TBX3: variants seen among roughly 807,000 people sequenced by gnomAD.
TBX3 encodes the protein T-box transcription factor 3.
A neutral mutation model predicts 47.8 loss-of-function variants in TBX3; 11 were observed. That is an observed-to-expected ratio of 0.23 (90% CI 0.14 to 0.38). The LOEUF (loss-of-function observed/expected upper bound fraction) is 0.38. Among genes scored for constraint, TBX3 ranks in the 10% least tolerant of loss-of-function variants. The probability of loss-of-function intolerance (pLI) is 1.00; values close to 1 mark genes in which losing one functional copy is unlikely to be tolerated. For synonymous variants in TBX3, 500 were observed against 449.3 expected (o/e 1.11, Z -1.43); for missense variants, 927 against 1,022.8 (o/e 0.91, Z 1.28).
At position 114,672,292 on chromosome 12, in the gene TBX3, A is replaced by G. The variant is rs1479824258; in HGVS notation, c.1721T>C (p.Met574Thr). 1.3e-6 allele frequency: 2 copies of G among 1,562,870 alleles called. No homozygotes were observed. The highest frequency in any genetic ancestry group is 1.7e-6 in the Non-Finnish European group (2 of 1,155,242). ...QHVLASQGLA[M>T]SPFGSLFPYP... is the part of the protein sequence containing the mutation. ...AGGGAACAGGCTTCCGAAAGGGGAC[A>G]TGGCCAGGCCCTGGGGTGAGAAAAG... Residue 574 changes from methionine (M) to threonine (T), a missense_variant, in exon 7 of 7, where the codon ATG (methionine) becomes ACG (threonine). Met to Thr is a moderately conservative substitution (Grantham distance 81). Around this residue, in one of 5 missense-constraint regions of TBX3, gnomAD observed 623 missense variants for 569.0 expected, o/e 1.09. Coordinates refer to ENST00000349155, the MANE Select transcript of TBX3 (RefSeq NM_005996.4).
Position 114,672,036 on chromosome 12 carries a change from G to A in TBX3, c.1977C>T (p.Ala659=), listed in dbSNP as rs764392915. The A allele has an allele frequency of 3.2e-6, 5 of 1,580,274 alleles. No homozygotes were observed. The highest frequency in any genetic ancestry group is 4.3e-6 in the Non-Finnish European group (5 of 1,163,616). ...AGTCCACTGCCACCGAGGCCGGGCT[G>A]GCGGCCAGGGCGGCGACTTTGCCGT... The part of the protein sequence containing the change: ...PLDGKVAALA[A]SPASVAVDSG... Residue 659 remains alanine (A), a synonymous_variant, in exon 7 of 7, where the codon GCC becomes GCT. Transcript: ENST00000349155.
In TBX3 at chr12:114,674,609, G is replaced by A. The variant is rs767558566; in HGVS notation, c.1266C>T (p.Ile422=). The part of the protein sequence containing the change: ...SPDSRHSPAT[I]SSSTRGLGAE... Reference sequence around the variant, plus strand: ...CGCCCAGGCCGCGAGTGCTGGACGAGATGGTGGCGGGGCTATGGCGTGAGT... The same window carrying A: ...CGCCCAGGCCGCGAGTGCTGGACGAAATGGTGGCGGGGCTATGGCGTGAGT... Residue 422 remains isoleucine (I), a synonymous_variant, in exon 6 of 7, where the codon ATC becomes ATT. Transcript: ENST00000349155. 6.9e-6 allele frequency: 11 copies of A among 1,601,680 alleles called. No homozygotes were observed. Among genetic ancestry groups the A allele is most frequent in the Non-Finnish European group, 9.4e-6 (11 of 1,175,596 alleles).
chr12:114,683,491 C>T lies in TBX3; in HGVS notation c.-291G>A. 4.8e-6 allele frequency: 2 copies of T among 412,604 alleles called. No homozygotes were observed. Among genetic ancestry groups the T allele is most frequent in the East Asian group, 3.9e-5 (1 of 25,504 alleles). The allele number at this position is 412,604 out of a possible 1,614,324, so 25.6% of individuals were successfully genotyped here. On this transcript the variant is annotated 5_prime_UTR_variant, in exon 1 of 7. Coordinates refer to ENST00000349155, the MANE Select transcript of TBX3 (RefSeq NM_005996.4). This position sits in a 1 kb window ranked among gnomAD's most constrained non-coding sequence, Gnocchi z 7.7. ...CCTTGTGCCTTGCGTTTTTAAAAAG[C>T]CGCTCCTGAACGTCGGTTTCAGAAG...
In TBX3 at chr12:114,671,519, C is replaced by G; in HGVS notation, c.*322G>C. On this transcript the variant is annotated 3_prime_UTR_variant, in exon 7 of 7. Transcript: ENST00000349155. ...TGAGGGAGATGTCTTTGAACACCTCCCCGCCTGGTGGGCAGAGACCCAGAC... is the reference window on the plus strand; with the variant it reads ...TGAGGGAGATGTCTTTGAACACCTCGCCGCCTGGTGGGCAGAGACCCAGAC... 2.1e-6 allele frequency: 1 copy of G among 477,392 alleles called. No individual in the cohort carries two copies. The highest frequency in any genetic ancestry group is 3.8e-6 in the Non-Finnish European group (1 of 263,034). 29.6% of individuals were successfully genotyped at this position (477,392 alleles called of 1,614,324 possible).
chr12:114,682,086 A>T (rs554536668), intron 1 of TBX3, among the ~76,000 whole-genome samples: 80 of 152,362 alleles, frequency 5.3e-4, no homozygotes, highest in African/African-American at 1.9e-3. Context: ...CTTCTCTTCC[A>T]GGCAGGTTTT....
rs1411259653 is a variant in TBX3, at chr12:114,674,559, C to T, written c.1316G>A (p.Arg439His). ...LGAEERRSPVREGTAPAKVEE... is the reference protein window; with the variant it reads ...LGAEERRSPVHEGTAPAKVEE... ...CACCTTGGCCGGCGCTGTGCCCTCG[C>T]GAACCGGGCTCCTGCGCTCCTCCGC... Residue 439 changes from arginine to histidine, a missense_variant, in exon 6 of 7, where the codon CGC becomes CAC. By Grantham distance (29) the Arg-to-His change is conservative. Transcript: ENST00000349155. 1.3e-6 allele frequency: 2 copies of T among 1,562,474 alleles called. No individual in the cohort carries two copies. The highest frequency in any genetic ancestry group is 1.9e-5 in the Admixed American group (1 of 53,794).
intron 5 of TBX3, among the ~76,000 whole-genome samples, chr12:114,675,558 T>C (rs546622230): frequency 1.3e-5 from 2 of 152,168 alleles, no homozygotes; most frequent in Non-Finnish European, 2.9e-5. Context: ...TATTTTATGT[T>C]TAAAGCTTAA....
intron 3 of TBX3, among the ~76,000 whole-genome samples, chr12:114,678,020 TCACACACACACACACACACACA>T (rs3068592): frequency 2.1e-5 from 3 of 144,164 alleles, no homozygotes. Context: ...CATACTCCCT[TCACACACACACACACACACACA>T]CACACACACA....
In TBX3 at chr12:114,670,335, CA is replaced by C. The variant is rs1868365659; in HGVS notation, c.*1505del. 4.5e-6 allele frequency: 1 copy of C among 224,686 alleles called. No individual in the cohort carries two copies. The highest frequency in any genetic ancestry group is 2.2e-5 in the African/African-American group (1 of 44,922). 13.9% of individuals were successfully genotyped at this position (224,686 alleles called of 1,614,324 possible). A position where few individuals can be genotyped will look rare whatever the true frequency, so the allele number is the denominator to read the frequency against. ...AAATACAGAAAACCAAAGAACTCAT[CA>C]ACAACTATAACACAAAATATACCTT... On this transcript the variant is annotated 3_prime_UTR_variant, in exon 7 of 7. Coordinates refer to ENST00000349155, the MANE Select transcript of TBX3 (RefSeq NM_005996.4).
At chr12:114,677,466 G>T in intron 4 of TBX3, 114 bp downstream of exon 4, 1 of 1,031,544 alleles carries the variant, frequency 9.7e-7, no homozygotes. Context: ...GAAAGTGAAT[G>T]ATTTCCACCC....
chr12:114,674,022 C>A (rs753354757), intron 6 of TBX3, 143 bp downstream of exon 6: 3 of 1,138,858 alleles, frequency 2.6e-6, no homozygotes, highest in Non-Finnish European at 3.7e-6. Context: ...ACTCCATGAG[C>A]TAAGCCTTGA....
chr12:114,677,392 G>A (rs1297703643), intron 4 of TBX3, among the ~76,000 whole-genome samples, 188 bp downstream of exon 4: 1 of 152,190 alleles, frequency 6.6e-6, no homozygotes, highest in Non-Finnish European at 1.5e-5. Flanking sequence ...TTTCCTTAAA[G>A]GTAAGGAGGT....
chr12:114,674,375 C>G lies in TBX3; in HGVS notation c.1500G>C (p.Leu500=). The G allele has an allele frequency of 6.4e-7, 1 of 1,553,976 alleles. No homozygotes were observed. The highest frequency in any genetic ancestry group is 8.7e-7 in the Non-Finnish European group (1 of 1,149,076). Residue 500 remains leucine, a synonymous_variant, in exon 6 of 7, where the codon CTG becomes CTC. Coordinates refer to ENST00000349155, the MANE Select transcript of TBX3 (RefSeq NM_005996.4). ...QQFFNGHPLF[L]HPSQFAMGGA... is the part of the protein sequence containing the mutation. ...CCCCCATGGCAAACTGGCTGGGGTG[C>G]AGGAAGAGCGGGTGCCCGTTGAAGA... is the stretch of plus-strand genomic sequence containing the variant.
chr12:114,674,643 G>A lies in TBX3; in HGVS notation c.1232C>T (p.Ala411Val), dbSNP rs1398394014. The change falls in exon 6 of 7, where the codon GCG becomes GTG. Residue 411 changes from alanine (A) to valine (V), a missense_variant. Transcript: ENST00000349155. Reference sequence around the variant, plus strand: ...GGGGCTATGGCGTGAGTCGGGCGACGCTTTGTCCAGCCGCCCGCTGTCCCG... The same window carrying A: ...GGGGCTATGGCGTGAGTCGGGCGACACTTTGTCCAGCCGCCCGCTGTCCCG... ...RPRDSGRLDKASPDSRHSPAT... is the reference protein window; with the variant it reads ...RPRDSGRLDKVSPDSRHSPAT... 8 of 1,606,760 alleles carry A rather than the reference G, an allele frequency of 5.0e-6. No individual in the cohort carries two copies. Among genetic ancestry groups the A allele is most frequent in the South Asian group, 4.4e-5 (4 of 90,580 alleles).
At chr12:114,674,028 C>G (rs1008431464) in intron 6 of TBX3, 137 bp downstream of exon 6, 4 of 1,182,198 alleles carry the variant, frequency 3.4e-6, no homozygotes, top group Admixed American at 2.5e-5. Flanking sequence ...TGAGCTAAGC[C>G]TTGAACCCGG....
rs746105981 is a variant in TBX3 at position 114,671,979 on chromosome 12, C to T, written c.2034G>A (p.Thr678=). The T allele has an allele frequency of 6.2e-7, 1 of 1,601,300 alleles. No homozygotes were observed. Among genetic ancestry groups the T allele is most frequent in the Non-Finnish European group, 8.5e-7 (1 of 1,174,040 alleles). The change falls in exon 7 of 7, where the codon ACG becomes ACA. Residue 678 remains threonine, a synonymous_variant. Transcript: ENST00000349155. ...SGSELNSRSS[T]LSSSSMSLSP... Reference sequence around the variant, plus strand: ...ACAAGGACATGGAGCTGGAGGAGAGCGTGGAGGAGCGGCTGTTGAGTTCAG... The same window carrying T: ...ACAAGGACATGGAGCTGGAGGAGAGTGTGGAGGAGCGGCTGTTGAGTTCAG...
chr12:114,678,088 T>A lies in TBX3; in HGVS notation c.805-432A>T, dbSNP rs1592849860. 5.9e-5 allele frequency among the ~76,000 whole-genome samples: 9 copies of A among 151,776 alleles called. No individual in the cohort carries two copies. In the South Asian group the frequency reaches 1.0e-3, roughly 18 times the overall value. ...TTCCATGAATCCAATAAATGATTTA[T>A]GGGGTTTCACTACCCTTGTGCGGGA... is the stretch of plus-strand genomic sequence containing the variant. On this transcript the variant is annotated intron_variant, in intron 3 of 6. Coordinates refer to ENST00000349155, the MANE Select transcript of TBX3 (RefSeq NM_005996.4).
rs762726425 is a variant in TBX3, at chr12:114,672,017, C to T, written c.1996G>A (p.Val666Met). The change falls in exon 7 of 7, where the codon GTG becomes ATG. Residue 666 changes from valine to methionine, a missense_variant. Physicochemically the swap from Val to Met is conservative, Grantham distance 21. Transcript: ENST00000349155. ...ALAASPASVA[V>M]DSGSELNSRS... is the part of the protein sequence containing the mutation. ...CTGTTGAGTTCAGAGCCCGAGTCCA[C>T]TGCCACCGAGGCCGGGCTGGCGGCC... is the stretch of plus-strand genomic sequence containing the variant. 260 of 1,594,790 alleles carry T rather than the reference C, an allele frequency of 1.6e-4. No individual in the cohort carries two copies. Among genetic ancestry groups the T allele is most frequent in the Non-Finnish European group, 2.1e-4 (250 of 1,171,150 alleles).
chr12:114,674,774 G>C lies in TBX3; in HGVS notation c.1101C>G (p.Pro367=), dbSNP rs761242306. ...AEAESKEEHG[P]EACDAAKIST... ...AGATCTTGGCCGCGTCGCAGGCCTC[G>C]GGGCCATGCTCCTCTTTGCTCTCGG... The change falls in exon 6 of 7, where the codon CCC becomes CCG. Residue 367 remains proline, a synonymous_variant. Transcript: ENST00000349155. The C allele has an allele frequency of 8.8e-6, 14 of 1,586,668 alleles. No individual in the cohort carries two copies. In the East Asian group the frequency reaches 1.8e-4, roughly 21 times the overall value.
Sources: gnomAD v4.1 joint callset for allele counts (sites outside exome capture counted in the v4.1 genomes callset) on GRCh38, gnomAD v4.1.1 for gene constraint, gnomAD v4.1.1 regional missense constraint, Gnocchi (gnomAD v3.1) non-coding constraint, MANE v1.5 for transcripts, NCBI Gene and HGNC (gene_info 2026-07-23, HGNC 2026-07-21) for gene names.